Variants in RSRC1 observed in about 807,000 individuals in gnomAD.
The protein encoded by RSRC1 is arginine and serine rich coiled-coil 1.
In RSRC1, 39 loss-of-function variants were observed where a neutral mutation model predicts 49.1. That is an observed-to-expected ratio of 0.79 (90% CI 0.61 to 1.04). The LOEUF is 1.04. RSRC1 is among the 50% of genes least tolerant of loss of function. The pLI is 0.00. For missense variants in RSRC1, 388 were observed against 402.4 expected (o/e 0.96, Z 0.31); for synonymous variants, 143 against 130.8 (o/e 1.09, Z -0.63).
chr3:158,529,214 G>GTGTGTA (rs374368016), intron 7 of RSRC1, among the ~76,000 whole-genome samples: 35 of 143,146 alleles, frequency 2.4e-4, no homozygotes, highest in African/African-American at 7.6e-4. Flanking sequence ...ATGTGTGTGT[G>GTGTGTA]TATATATATA....
intron 6 of RSRC1, among the ~76,000 whole-genome samples, chr3:158,421,967 C>T (rs1159756463): frequency 6.6e-6 from 1 of 151,808 alleles, no homozygotes; most frequent in Non-Finnish European, 1.5e-5. Flanking sequence ...TTCCTACCCT[C>T]ATAATAGAAG....
At chr3:158,425,561 T>C (rs913902702) in intron 6 of RSRC1, among the ~76,000 whole-genome samples, 20 of 152,108 alleles carry the variant, frequency 1.3e-4, no homozygotes, top group African/African-American at 4.8e-4. Context: ...TATATTCTGT[T>C]GATTTGGGAT....
intron 4 of RSRC1, among the ~76,000 whole-genome samples, chr3:158,290,434 A>G (rs1204960): frequency 0.69 from 105,343 of 151,584 alleles, 37,053 homozygotes; most frequent in East Asian, 0.85. Context: ...CACCACGCCC[A>G]GCTAATTTTT....
intron 3 of RSRC1, among the ~76,000 whole-genome samples, chr3:158,167,035 C>CT (rs965013224): frequency 1.1e-4 from 16 of 151,804 alleles, no homozygotes; most frequent in South Asian, 4.2e-4. Context: ...ATAGAATTCC[C>CT]TTTTTTTTGT....
intron 4 of RSRC1, among the ~76,000 whole-genome samples, chr3:158,227,207 C>T (rs1294218927): frequency 1.3e-5 from 2 of 151,854 alleles, no homozygotes; most frequent in Non-Finnish European, 2.9e-5. Flanking sequence ...TATATAAACA[C>T]ACTGTGTGTT....
At chr3:158,432,783 C>T (rs150661717) in intron 6 of RSRC1, among the ~76,000 whole-genome samples, 1 of 151,872 alleles carries the variant, frequency 6.6e-6, no homozygotes, top group African/African-American at 2.4e-5. Context: ...GGCATTATAT[C>T]CTTTACATAA....
chr3:158,110,686 C>T (rs1010793937), intron 1 of RSRC1: 1 of 152,542 alleles, frequency 6.6e-6, no homozygotes, highest in African/African-American at 2.4e-5. Context: ...ATCCAGCTCT[C>T]TTTCTGATTC....
At chr3:158,345,275 A>G (rs1730486702) in intron 5 of RSRC1, among the ~76,000 whole-genome samples, 2 of 152,082 alleles carry the variant, frequency 1.3e-5, no homozygotes, top group Non-Finnish European at 2.9e-5. Flanking sequence ...GTAAATTGCA[A>G]TGTGGTAGAT....
intron 6 of RSRC1, among the ~76,000 whole-genome samples, chr3:158,397,081 T>C (rs745489923): frequency 1.3e-5 from 2 of 152,198 alleles, no homozygotes; most frequent in Non-Finnish European, 2.9e-5. Flanking sequence ...ATCTAATCTT[T>C]ATATTAGACT....
intron 4 of RSRC1, among the ~76,000 whole-genome samples, chr3:158,281,231 T>C (rs1454365952): frequency 6.6e-6 from 1 of 152,006 alleles, no homozygotes; most frequent in Non-Finnish European, 1.5e-5. Flanking sequence ...AGCAGAAGGA[T>C]GAATGATAAG....
intron 6 of RSRC1, among the ~76,000 whole-genome samples, chr3:158,375,657 T>C (rs938273124): frequency 6.6e-6 from 1 of 152,192 alleles, no homozygotes; most frequent in Admixed American, 6.5e-5. Flanking sequence ...GAACCATTTA[T>C]TAGGAAGATA....
chr3:158,224,207 C>T (rs746689598), intron 4 of RSRC1, among the ~76,000 whole-genome samples: 1 of 151,780 alleles, frequency 6.6e-6, no homozygotes, highest in Non-Finnish European at 1.5e-5. Flanking sequence ...TTCTTCATCA[C>T]CTTTATCTGT....
chr3:158,223,332 A>G (rs1722327922), intron 4 of RSRC1, among the ~76,000 whole-genome samples: 1 of 151,604 alleles, frequency 6.6e-6, no homozygotes, highest in South Asian at 2.1e-4. Flanking sequence ...GGTTCAGGAA[A>G]CTTTTTCTGT....
chr3:158,510,485 C>A (rs1740096516), intron 7 of RSRC1, among the ~76,000 whole-genome samples: 1 of 151,918 alleles, frequency 6.6e-6, no homozygotes, highest in South Asian at 2.1e-4. Flanking sequence ...CACTTAAACT[C>A]TTAATCCACC....
chr3:158,115,160 G>A (rs1714714246), intron 1 of RSRC1, among the ~76,000 whole-genome samples: 1 of 152,096 alleles, frequency 6.6e-6, no homozygotes, highest in Non-Finnish European at 1.5e-5. Flanking sequence ...TTGTTATTTT[G>A]AGGTATGTTC....
intron 6 of RSRC1, among the ~76,000 whole-genome samples, chr3:158,355,535 G>A (rs888537721): frequency 1.1e-4 from 16 of 151,856 alleles, no homozygotes; most frequent in African/African-American, 3.6e-4. Flanking sequence ...TCACTGGACT[G>A]TATGTTCTGG....
At chr3:158,129,784 C>T (rs1332397065) in intron 3 of RSRC1, among the ~76,000 whole-genome samples, 4 of 152,152 alleles carry the variant, frequency 2.6e-5, no homozygotes, top group African/African-American at 9.7e-5. Flanking sequence ...TTTACATTTT[C>T]ATATAAATTT....
At chr3:158,383,176 G>A (rs906296668) in intron 6 of RSRC1, among the ~76,000 whole-genome samples, 4 of 152,026 alleles carry the variant, frequency 2.6e-5, no homozygotes, top group African/African-American at 4.8e-5. Context: ...TAAGGACATC[G>A]CTGTTTTATA....
chr3:158,269,857 T>C (rs1207705858), intron 4 of RSRC1, among the ~76,000 whole-genome samples: 1 of 152,176 alleles, frequency 6.6e-6, no homozygotes, highest in Non-Finnish European at 1.5e-5. Context: ...ATTTTTTTTC[T>C]TTTGATATCT....
Sources: gnomAD v4.1 joint callset for allele counts (sites outside exome capture counted in the v4.1 genomes callset) on GRCh38, gnomAD v4.1.1 for gene constraint, MANE v1.5 for transcripts, NCBI Gene and HGNC (gene_info 2026-07-23, HGNC 2026-07-21) for gene names.